The following KIF18A variants were observed in gnomAD, a reference collection of about 807,000 sequenced individuals.
KIF18A encodes the protein kinesin-like protein KIF18A.
A neutral mutation model predicts 103.3 loss-of-function variants in KIF18A; 67 were observed. The ratio of observed to expected loss-of-function variants is 0.65; its 90% CI spans 0.53 to 0.79. The LOEUF is 0.79. Among genes scored for constraint, KIF18A ranks in the 30% least tolerant of loss-of-function variants. KIF18A has a pLI of 0.00. For synonymous variants in KIF18A, 367 were observed against 355.5 expected (o/e 1.03, Z -0.36); for missense variants, 1,032 against 1,062.5 (o/e 0.97, Z 0.40).
At chr11:28,028,986 T>C (rs1565068814) in intron 15 of KIF18A, among the ~76,000 whole-genome samples, 1 of 152,082 alleles carries the variant, frequency 6.6e-6, no homozygotes, top group Non-Finnish European at 1.5e-5. Flanking sequence ...CAGGACGAAG[T>C]TGAATCTCTG....
At chr11:28,107,170 T>G (rs1422215640) in intron 1 of KIF18A, among the ~76,000 whole-genome samples, 2 of 152,098 alleles carry the variant, frequency 1.3e-5, no homozygotes, top group Non-Finnish European at 2.9e-5. Context: ...TATAAAAACC[T>G]TACAAAAACG....
chr11:28,102,720 A>G (rs1851461147), intron 1 of KIF18A, among the ~76,000 whole-genome samples: 2 of 152,240 alleles, frequency 1.3e-5, no homozygotes, highest in Admixed American at 1.3e-4. Flanking sequence ...AAAAACAAAT[A>G]TGTGGATAGA....
chr11:28,104,793 TA>T, intron 1 of KIF18A, among the ~76,000 whole-genome samples: 1 of 152,308 alleles, frequency 6.6e-6, no homozygotes, highest in Non-Finnish European at 1.5e-5. Context: ...AATGAATGAA[TA>T]AACCAGTACA....
At chr11:28,091,371 T>G in intron 4 of KIF18A, 38 bp downstream of exon 4, 1 of 1,092,614 alleles carries the variant, frequency 9.2e-7, no homozygotes, top group Non-Finnish European at 1.4e-6. Flanking sequence ...TAGTCACATT[T>G]GCTATTCTAA....
intron 13 of KIF18A, among the ~76,000 whole-genome samples, chr11:28,049,441 T>C (rs1469801189): frequency 6.6e-6 from 1 of 152,004 alleles, no homozygotes; most frequent in Non-Finnish European, 1.5e-5. Flanking sequence ...AAGTAATTTA[T>C]CAAAAGTTTA....
At chr11:28,055,740 C>T (rs1178124109) in intron 13 of KIF18A, among the ~76,000 whole-genome samples, 2 of 152,072 alleles carry the variant, frequency 1.3e-5, no homozygotes, top group Admixed American at 1.3e-4. Flanking sequence ...TATTTAATAT[C>T]ATGATCAGAT....
At chr11:28,051,030 G>A (rs1850705368) in intron 13 of KIF18A, among the ~76,000 whole-genome samples, 2 of 151,866 alleles carry the variant, frequency 1.3e-5, no homozygotes, top group South Asian at 4.1e-4. Flanking sequence ...GATCTATTCA[G>A]TCAAATTTAT....
In KIF18A at chr11:28,059,122, A is replaced by T; in HGVS notation, c.1752T>A (p.Tyr584Ter). The T allele has an allele frequency of 6.2e-7, 1 of 1,614,014 alleles. No homozygotes were observed. The highest frequency in any genetic ancestry group is 8.5e-7 in the Non-Finnish European group (1 of 1,179,916). ...ACAGGCCGGCTTCTTTTAATGTGCA[A>T]TATTGTTTTCTTAGGGTTGGAAGTA... is the stretch of plus-strand genomic sequence containing the variant. Reference protein sequence around the residue: ...NALLPTLRKQYCTLKEAGLSN... With the variant: ...NALLPTLRKQ The change falls in exon 13 of 17, where the codon TAT becomes TAA. Residue 584 changes from tyrosine (Y) to a stop codon, truncating the protein, a stop_gained. Coordinates refer to ENST00000263181, the MANE Select transcript of KIF18A (RefSeq NM_031217.4). LOFTEE classifies it high-confidence loss of function.
chr11:28,048,945 G>A (rs1239936779), intron 13 of KIF18A, among the ~76,000 whole-genome samples: 1 of 152,040 alleles, frequency 6.6e-6, no homozygotes, highest in Non-Finnish European at 1.5e-5. Flanking sequence ...TGGGATACAA[G>A]GTGCTGGACA....
chr11:28,064,555 A>G (rs1366641876), intron 11 of KIF18A, among the ~76,000 whole-genome samples: 1 of 152,096 alleles, frequency 6.6e-6, no homozygotes, highest in Non-Finnish European at 1.5e-5. Context: ...TACCTATGTA[A>G]CAAACCTACA....
Position 28,059,117 on chromosome 11 carries a change from G to T in KIF18A, c.1757C>A (p.Thr586Lys). The change falls in exon 13 of 17, where the codon ACA (threonine) becomes AAA (lysine). Residue 586 changes from threonine (T) to lysine (K), a missense_variant. Physicochemically the swap from Thr to Lys is moderately conservative, Grantham distance 78. Transcript: ENST00000263181. ...ATTTGACAGGCCGGCTTCTTTTAATGTGCAATATTGTTTTCTTAGGGTTGG... is the reference window on the plus strand; with the variant it reads ...ATTTGACAGGCCGGCTTCTTTTAATTTGCAATATTGTTTTCTTAGGGTTGG... ...LLPTLRKQYC[T>K]LKEAGLSNAA... 1 of 1,613,920 alleles carries T rather than the reference G, an allele frequency of 6.2e-7. No homozygotes were observed. Among genetic ancestry groups the T allele is most frequent in the Non-Finnish European group, 8.5e-7 (1 of 1,179,894 alleles).
intron 13 of KIF18A, among the ~76,000 whole-genome samples, chr11:28,049,955 A>T (rs1254190690): frequency 1.3e-5 from 2 of 151,870 alleles, no homozygotes; most frequent in Non-Finnish European, 2.9e-5. Context: ...AAATTAACCA[A>T]ACTAATAAAC....
chr11:28,065,887 C>T lies in KIF18A; in HGVS notation c.1591-3371G>A, dbSNP rs914951966. Among the ~76,000 whole-genome samples, 8 of 152,070 alleles carry T rather than the reference C, an allele frequency of 5.3e-5. No homozygotes were observed. In the East Asian group the frequency reaches 1.5e-3, roughly 29 times the overall value. On this transcript the variant is annotated intron_variant, in intron 11 of 16. Coordinates refer to ENST00000263181, the MANE Select transcript of KIF18A (RefSeq NM_031217.4). ...ATCATTTAAAACTTATATACACAAA[C>T]ATATTTAAAATTTTTAATGAATATA... is the stretch of plus-strand genomic sequence containing the variant.
At chr11:28,038,919 C>A (rs1199678133) in intron 13 of KIF18A, among the ~76,000 whole-genome samples, 1 of 151,658 alleles carries the variant, frequency 6.6e-6, no homozygotes, top group Non-Finnish European at 1.5e-5. Flanking sequence ...GTGCTGCTAC[C>A]ACCAATTTGG....
At chr11:28,058,061 T>C (rs1251357869) in intron 13 of KIF18A, among the ~76,000 whole-genome samples, 1 of 152,130 alleles carries the variant, frequency 6.6e-6, no homozygotes, top group East Asian at 1.9e-4. Flanking sequence ...GGCATAAAAT[T>C]GAGGTTCTGA....
chr11:28,077,073 T>C lies in KIF18A; in HGVS notation c.1359A>G (p.Lys453=). Residue 453 remains lysine (K), a synonymous_variant, in exon 10 of 17, where the codon AAA becomes AAG. Transcript: ENST00000263181. ...LEMLLKENEL[K]SFYQQQCHKQ... is the part of the protein sequence containing the mutation. ...TATGGCACTGTTGTTGGTAGAATGATTTAAGTTCATTTTCTTTAAGTAACA... is the reference window on the plus strand; with the variant it reads ...TATGGCACTGTTGTTGGTAGAATGACTTAAGTTCATTTTCTTTAAGTAACA... The C allele has an allele frequency of 6.3e-7, 1 of 1,579,178 alleles. No homozygotes were observed. Among genetic ancestry groups the C allele is most frequent in the Middle Eastern group, 1.7e-4 (1 of 5,898 alleles).
chr11:28,035,588 T>C, intron 14 of KIF18A, 94 bp from the exon 15 acceptor site: 1 of 604,330 alleles, frequency 1.7e-6, no homozygotes, highest in Non-Finnish European at 2.6e-6. Context: ...GAAAACCATT[T>C]GGTATTAATA....
At chr11:28,054,696 A>G (rs1182477747) in intron 13 of KIF18A, among the ~76,000 whole-genome samples, 1 of 152,212 alleles carries the variant, frequency 6.6e-6, no homozygotes. Flanking sequence ...TACATAATAA[A>G]TAAATAGTTG....
chr11:28,022,441 A>T (rs7105876), intron 16 of KIF18A, among the ~76,000 whole-genome samples: 151,171 of 151,730 alleles, frequency 1, 75,313 homozygotes, highest in Middle Eastern at 1. Context: ...ATTTTTTAAA[A>T]TTTTTTTGGT....
Sources: allele counts gnomAD v4.1 joint callset (sites outside exome capture counted in the v4.1 genomes callset), GRCh38; gene constraint gnomAD v4.1.1; transcripts MANE v1.5; gene names NCBI Gene and HGNC (gene_info 2026-07-23, HGNC 2026-07-21).